Variants in SGCD observed in about 807,000 individuals in gnomAD.
SGCD encodes sarcoglycan delta.
SGCD carries 18 observed loss-of-function variants against 36.6 expected under a neutral mutation model. The observed-to-expected ratio is 0.49, with a 90% CI of 0.34 to 0.73. The LOEUF (loss-of-function observed/expected upper bound fraction) is 0.73, where lower values mean the gene tolerates loss of function less well. SGCD is among the 30% of genes least tolerant of loss of function. SGCD has a pLI of 0.01. For missense variants in SGCD, 387 were observed against 346.7 expected, an observed-to-expected ratio of 1.12 and a Z score of -0.92; for synonymous variants, 133 against 130.6, an observed-to-expected ratio of 1.02 and a Z score of -0.12.
intron 3 of SGCD, among the ~76,000 whole-genome samples, chr5:156,201,030 A>G (rs1022904792): frequency 2.0e-5 from 3 of 152,192 alleles, no homozygotes; most frequent in African/African-American, 7.2e-5. Context: ...CCATTTAGAC[A>G]TGAAATATCT....
intron 1 of SGCD, among the ~76,000 whole-genome samples, chr5:155,964,102 A>G (rs1431080116): frequency 6.6e-6 from 1 of 152,092 alleles, no homozygotes; most frequent in African/African-American, 2.4e-5. Context: ...CTTTTCCATG[A>G]TCTTATGACT....
chr5:156,244,344 T>C (rs1197208701), intron 3 of SGCD, among the ~76,000 whole-genome samples: 5 of 152,166 alleles, frequency 3.3e-5, no homozygotes, highest in African/African-American at 1.2e-4. Flanking sequence ...AAAAAACATT[T>C]TGGGACAATT....
At chr5:156,675,394 A>G (rs1037837959) in intron 7 of SGCD, among the ~76,000 whole-genome samples, 4 of 152,212 alleles carry the variant, frequency 2.6e-5, no homozygotes, top group Non-Finnish European at 4.4e-5. Flanking sequence ...ATGTGCCTGT[A>G]TCTTCTTCCT....
intron 3 of SGCD, among the ~76,000 whole-genome samples, chr5:156,434,045 G>A (rs905632155): frequency 1.3e-5 from 2 of 152,330 alleles, no homozygotes; most frequent in Admixed American, 1.3e-4. Context: ...ACCAGGAGAT[G>A]CCAAATGCTC....
intron 1 of SGCD, among the ~76,000 whole-genome samples, chr5:156,024,905 C>T (rs536906981): frequency 6.6e-6 from 1 of 151,440 alleles, no homozygotes; most frequent in South Asian, 2.1e-4. Context: ...TTGCAGTGAG[C>T]CGAGATCGTG....
chr5:156,587,961 C>T (rs995243701), intron 4 of SGCD, among the ~76,000 whole-genome samples: 1 of 150,912 alleles, frequency 6.6e-6, no homozygotes, highest in Non-Finnish European at 1.5e-5. Flanking sequence ...TCTGCTTGCT[C>T]ACAACTTGTA....
At chr5:155,974,210 T>G (rs190085329) in intron 1 of SGCD, among the ~76,000 whole-genome samples, 3 of 152,236 alleles carry the variant, frequency 2.0e-5, no homozygotes, top group Admixed American at 2.0e-4. Flanking sequence ...ATCATGAAAT[T>G]TTAGAGCTGA....
At chr5:156,176,165 G>A (rs574961417) in intron 3 of SGCD, among the ~76,000 whole-genome samples, 26 of 151,858 alleles carry the variant, frequency 1.7e-4, no homozygotes, top group Admixed American at 1.4e-3. Context: ...GTGTGCGTGT[G>A]GTGATCATGG....
chr5:155,738,888 T>C, the SGCD span, among the ~76,000 whole-genome samples: 2 of 149,576 alleles, frequency 1.3e-5, no homozygotes, highest in Non-Finnish European at 3.0e-5. Context: ...AGAGAGTGTG[T>C]GTGAGTGTGT....
chr5:156,086,443 C>T (rs1171507427), intron 1 of SGCD, among the ~76,000 whole-genome samples: 2 of 152,146 alleles, frequency 1.3e-5, no homozygotes, highest in African/African-American at 4.8e-5. Context: ...GAAGCCATTT[C>T]AAATGTTGGA....
intron 7 of SGCD, among the ~76,000 whole-genome samples, chr5:156,731,528 A>C (rs183501921): frequency 6.6e-6 from 1 of 152,002 alleles, no homozygotes; most frequent in Admixed American, 6.6e-5. Context: ...TGTCAGGTTT[A>C]TCAAAGATCA....
At chr5:156,218,637 A>C (rs189334520) in intron 3 of SGCD, among the ~76,000 whole-genome samples, 1 of 152,262 alleles carries the variant, frequency 6.6e-6, no homozygotes, top group Non-Finnish European at 1.5e-5. Flanking sequence ...GAAAGGTCAG[A>C]GTCATAAGCC....
At chr5:156,159,469 A>G (rs1270262737) in intron 3 of SGCD, among the ~76,000 whole-genome samples, 1 of 151,532 alleles carries the variant, frequency 6.6e-6, no homozygotes, top group Non-Finnish European at 1.5e-5. Context: ...TCTCTGAACC[A>G]CTCATAAAAA....
chr5:156,074,673 C>A (rs943474108), intron 1 of SGCD, among the ~76,000 whole-genome samples: 1 of 151,892 alleles, frequency 6.6e-6, no homozygotes, highest in African/African-American at 2.4e-5. Context: ...AAGCGAGAAT[C>A]CATCTCAAAA....
chr5:156,354,114 A>G (rs1231570000), intron 3 of SGCD, among the ~76,000 whole-genome samples: 2 of 152,252 alleles, frequency 1.3e-5, no homozygotes, highest in Non-Finnish European at 2.9e-5. Context: ...AGGGAAGAAA[A>G]CACATGTATA....
chr5:156,406,117 G>A (rs1352478228), intron 3 of SGCD, among the ~76,000 whole-genome samples: 3 of 151,368 alleles, frequency 2.0e-5, no homozygotes, highest in Non-Finnish European at 4.4e-5. Flanking sequence ...TTGAATGACT[G>A]TAATGTGTTC....
At position 156,553,630 on chromosome 5, in the gene SGCD, T is replaced by C. The variant is rs143620180; in HGVS notation, c.295-35601T>C. On this transcript the variant is annotated intron_variant, in intron 4 of 8. Transcript: ENST00000337851. ...CAGTCAGTCTCCATCCTCCCCTTCT[T>C]ACAACCCCTGGCAACCCTAATCTGC... is the stretch of plus-strand genomic sequence containing the variant. Among the ~76,000 whole-genome samples, 7 of 152,314 alleles carry C rather than the reference T, an allele frequency of 4.6e-5. No homozygotes were observed. The East Asian group carries it at 1.4e-3, about 29-fold the overall frequency.
At chr5:156,327,331 A>C (rs920756309) in intron 1 of SGCD, 99 bp downstream of exon 1, 1 of 151,996 alleles carries the variant, frequency 6.6e-6, no homozygotes, top group African/African-American at 2.4e-5. Context: ...TAGTGTGTGC[A>C]TGTGTGTGTG....
intron 3 of SGCD, among the ~76,000 whole-genome samples, chr5:156,317,964 G>A (rs1767562251): frequency 6.6e-6 from 1 of 152,128 alleles, no homozygotes; most frequent in African/African-American, 2.4e-5. Flanking sequence ...TATTCTATAT[G>A]CTATGTCTGG....
Sources: allele counts gnomAD v4.1 joint callset (sites outside exome capture counted in the v4.1 genomes callset), GRCh38; gene constraint gnomAD v4.1.1; transcripts MANE v1.5; gene names NCBI Gene and HGNC (gene_info 2026-07-23, HGNC 2026-07-21).